The following NRG3 variants were observed in gnomAD, a reference collection of about 807,000 sequenced individuals.
NRG3 encodes pro-neuregulin-3, membrane-bound isoform.
Under a neutral mutation model 66.9 loss-of-function variants are expected in NRG3, and 31 were observed. The ratio of observed to expected loss-of-function variants is 0.46; its 90% CI spans 0.35 to 0.63. The LOEUF (loss-of-function observed/expected upper bound fraction) is 0.63, where lower values mean the gene tolerates loss of function less well. Ranked by LOEUF, NRG3 falls within the 20% of genes least tolerant of loss-of-function variation. The pLI is 0.00. For synonymous variants in NRG3, 393 were observed against 359.4 expected (o/e 1.09, Z -1.06); for missense variants, 910 against 878.9 (o/e 1.04, Z -0.45).
In NRG3 at chr10:82,129,000, C is replaced by T. The variant is rs2068637862; in HGVS notation, c.824-229739C>T. On this transcript the variant is annotated intron_variant, in intron 1 of 8. Transcript: ENST00000372141. ...GTGATATCGGCTCACTGCAACCTCG[C>T]CTCTCGGGTTCAAGCGATTCTCCTG... Among the ~76,000 whole-genome samples the T allele has an allele frequency of 2.6e-5, 4 of 151,794 alleles. No homozygotes were observed. The South Asian group carries it at 8.3e-4, about 32-fold the overall frequency.
chr10:82,066,707 T>A (rs1052085899), intron 1 of NRG3, among the ~76,000 whole-genome samples: 3 of 152,206 alleles, frequency 2.0e-5, no homozygotes, highest in African/African-American at 7.2e-5. Flanking sequence ...ACATTTATGT[T>A]TCCATTCTCT....
At chr10:82,703,917 A>G (rs999579938) in intron 2 of NRG3, among the ~76,000 whole-genome samples, 18 of 152,114 alleles carry the variant, frequency 1.2e-4, no homozygotes, top group African/African-American at 4.1e-4. Context: ...GGGGAAGCAT[A>G]TTTATCTGAG....
chr10:82,622,422 A>C (rs1318111103), intron 2 of NRG3, among the ~76,000 whole-genome samples: 1 of 152,202 alleles, frequency 6.6e-6, no homozygotes, highest in Non-Finnish European at 1.5e-5. Context: ...TATCAAAGAT[A>C]TAGTGTTTAT....
intron 3 of NRG3, among the ~76,000 whole-genome samples, chr10:82,819,037 A>C (rs1442362609): frequency 6.6e-6 from 1 of 152,240 alleles, no homozygotes; most frequent in Non-Finnish European, 1.5e-5. Context: ...AGTAATCATG[A>C]TGATGCCCTT....
intron 2 of NRG3, among the ~76,000 whole-genome samples, chr10:82,534,493 G>T (rs891088077): frequency 6.6e-6 from 1 of 152,000 alleles, no homozygotes; most frequent in African/African-American, 2.4e-5. Context: ...TCCAATTCCT[G>T]ACCTCAGGTG....
At chr10:82,455,641 G>A (rs570383851) in intron 2 of NRG3, among the ~76,000 whole-genome samples, 2 of 149,088 alleles carry the variant, frequency 1.3e-5, no homozygotes, top group South Asian at 2.1e-4. Context: ...TTGAGACGGA[G>A]TCTCACTCTG....
chr10:82,573,015 G>T (rs1287359411), intron 2 of NRG3, among the ~76,000 whole-genome samples: 2 of 151,826 alleles, frequency 1.3e-5, no homozygotes, highest in East Asian at 3.9e-4. Context: ...ATTCACGAAT[G>T]CATTAAAGAA....
intron 1 of NRG3, among the ~76,000 whole-genome samples, chr10:82,305,965 G>T (rs2080700353): frequency 6.6e-6 from 1 of 152,190 alleles, no homozygotes; most frequent in Non-Finnish European, 1.5e-5. Flanking sequence ...TAACCATGAA[G>T]CTATTCTAGG....
At chr10:82,163,513 T>A (rs1020416018) in intron 1 of NRG3, among the ~76,000 whole-genome samples, 1 of 152,158 alleles carries the variant, frequency 6.6e-6, no homozygotes, top group Non-Finnish European at 1.5e-5. Flanking sequence ...CGATTAGACA[T>A]CACTGTCATT....
chr10:82,221,293 A>T (rs1197099689), intron 1 of NRG3, among the ~76,000 whole-genome samples: 1 of 151,934 alleles, frequency 6.6e-6, no homozygotes, highest in Non-Finnish European at 1.5e-5. Context: ...AGGCCACAAA[A>T]TGTAAAAGTC....
At chr10:82,235,214 C>G (rs1000261745) in intron 1 of NRG3, among the ~76,000 whole-genome samples, 2 of 152,140 alleles carry the variant, frequency 1.3e-5, no homozygotes, top group African/African-American at 4.8e-5. Flanking sequence ...CTTTCATGTA[C>G]GTATCATTCA....
intron 2 of NRG3, among the ~76,000 whole-genome samples, chr10:82,676,883 G>A (rs542427002): frequency 3.4e-4 from 52 of 151,778 alleles, no homozygotes; most frequent in Non-Finnish European, 5.4e-4. Flanking sequence ...GGGAGTTAAC[G>A]CATTTGTTGG....
intron 1 of NRG3, among the ~76,000 whole-genome samples, chr10:81,966,035 A>C (rs564580647): frequency 6.6e-6 from 1 of 152,116 alleles, no homozygotes; most frequent in South Asian, 2.1e-4. Flanking sequence ...GTGATGGATA[A>C]CTTTTATCAA....
intron 3 of NRG3, among the ~76,000 whole-genome samples, chr10:82,813,695 G>A (rs1042643408): frequency 7.9e-5 from 12 of 152,082 alleles, no homozygotes; most frequent in African/African-American, 2.9e-4. Flanking sequence ...GCTGTCTTTT[G>A]TAACACAGTC....
chr10:82,616,429 G>A (rs2048654422), intron 2 of NRG3, among the ~76,000 whole-genome samples: 1 of 152,058 alleles, frequency 6.6e-6, no homozygotes, highest in Admixed American at 6.6e-5. Flanking sequence ...CAAGCTGAAT[G>A]CTGCTTTTGG....
intron 1 of NRG3, among the ~76,000 whole-genome samples, chr10:82,015,079 T>C (rs12258934): frequency 0.048 from 7,305 of 152,246 alleles, 596 homozygotes; most frequent in African/African-American, 0.17. Flanking sequence ...GTTTTTCTTT[T>C]GTAGAGTCTG....
chr10:81,942,402 T>A (rs750758329), intron 1 of NRG3, among the ~76,000 whole-genome samples: 3 of 152,104 alleles, frequency 2.0e-5, no homozygotes, highest in Non-Finnish European at 4.4e-5. Context: ...TTACATCAAA[T>A]CTCTCTTTAA....
At chr10:82,825,611 T>C (rs2062164134) in intron 3 of NRG3, among the ~76,000 whole-genome samples, 2 of 152,188 alleles carry the variant, frequency 1.3e-5, no homozygotes, top group Admixed American at 6.5e-5. Flanking sequence ...ACTTCTTTTT[T>C]CCCAGCTTTG....
intron 2 of NRG3, among the ~76,000 whole-genome samples, chr10:82,543,163 A>T (rs1369738286): frequency 6.6e-6 from 1 of 152,128 alleles, no homozygotes; most frequent in Non-Finnish European, 1.5e-5. Context: ...AAATACTGGG[A>T]TTACAGGCGG....
Sources: gnomAD v4.1 joint callset for allele counts (sites outside exome capture counted in the v4.1 genomes callset) on GRCh38, gnomAD v4.1.1 for gene constraint, MANE v1.5 for transcripts, NCBI Gene and HGNC (gene_info 2026-07-23, HGNC 2026-07-21) for gene names.